SLC12A8: variants seen among roughly 807,000 people sequenced by gnomAD.
SLC12A8 encodes the protein cation-chloride cotransporter 9.
In SLC12A8, 69 loss-of-function variants were observed where a neutral mutation model predicts 75.6. The ratio of observed to expected loss-of-function variants is 0.91; its 90% CI spans 0.75 to 1.11. The LOEUF is 1.11. Ranked by LOEUF, SLC12A8 falls within the 50% of genes most tolerant of loss-of-function variation. The pLI is 0.00. For synonymous variants in SLC12A8, 365 were observed against 372.8 expected, an observed-to-expected ratio of 0.98 and a Z score of 0.24; for missense variants, 877 against 896.7, an observed-to-expected ratio of 0.98 and a Z score of 0.28.
intron 10 of SLC12A8, among the ~76,000 whole-genome samples, chr3:125,097,689 A>T (rs1938752432): frequency 6.6e-6 from 1 of 151,978 alleles, no homozygotes; most frequent in Admixed American, 6.6e-5. Flanking sequence ...ATGCTCAATG[A>T]CTCTTTGAAT....
chr3:125,105,832 C>A (rs575547192), intron 10 of SLC12A8, among the ~76,000 whole-genome samples: 2 of 152,146 alleles, frequency 1.3e-5, no homozygotes, highest in South Asian at 4.2e-4. Flanking sequence ...GAGTTCAAGA[C>A]CAGCCTGGCC....
intron 5 of SLC12A8, among the ~76,000 whole-genome samples, chr3:125,146,820 T>C (rs574256793): frequency 6.6e-6 from 1 of 152,340 alleles, no homozygotes; most frequent in Admixed American, 6.5e-5. Flanking sequence ...TGTACATTTT[T>C]TGTAGAGACA....
chr3:125,110,674 C>T (rs770080305), intron 8 of SLC12A8: 16 of 189,762 alleles, frequency 8.4e-5, no homozygotes, highest in Non-Finnish European at 1.3e-4. Context: ...ATTCCGCATG[C>T]GTTCCCAGAG....
chr3:125,106,243 T>C (rs1223510379), intron 10 of SLC12A8, among the ~76,000 whole-genome samples: 1 of 152,190 alleles, frequency 6.6e-6, no homozygotes, highest in African/African-American at 2.4e-5. Context: ...ACTTATTACA[T>C]TGATTAAAAT....
intron 10 of SLC12A8, among the ~76,000 whole-genome samples, chr3:125,100,143 G>T (rs1187439481): frequency 6.6e-6 from 1 of 152,112 alleles, no homozygotes; most frequent in Non-Finnish European, 1.5e-5. Flanking sequence ...GAGTCTCAGA[G>T]GCCTAATGGG....
At chr3:125,209,913 G>A (rs923305318) in intron 2 of SLC12A8, among the ~76,000 whole-genome samples, 2 of 152,204 alleles carry the variant, frequency 1.3e-5, no homozygotes, top group Admixed American at 1.3e-4. Context: ...AGGAGAGTAT[G>A]AATCATCCAA....
intron 8 of SLC12A8, among the ~76,000 whole-genome samples, chr3:125,111,178 C>G (rs772937820): frequency 2.4e-4 from 36 of 152,174 alleles, no homozygotes; most frequent in Non-Finnish European, 3.2e-4. Flanking sequence ...TTTAAGCAGG[C>G]CTTCTGTCTT....
At chr3:125,151,067 C>T (rs550419621) in intron 5 of SLC12A8, 38 of 152,336 alleles carry the variant, frequency 2.5e-4, no homozygotes, top group African/African-American at 8.7e-4. Flanking sequence ...ATTTTGATCA[C>T]TATACCAGAC....
intron 5 of SLC12A8, among the ~76,000 whole-genome samples, chr3:125,152,244 T>C (rs1933942326): frequency 6.6e-6 from 1 of 152,242 alleles, no homozygotes. Flanking sequence ...TATAGGTTTG[T>C]ATGGTGGCTG....
At chr3:125,179,841 G>A (rs1178073129) in intron 4 of SLC12A8, among the ~76,000 whole-genome samples, 1 of 152,164 alleles carries the variant, frequency 6.6e-6, no homozygotes, top group East Asian at 1.9e-4. Context: ...TATTTCATCA[G>A]TATTTGGCCA....
intron 5 of SLC12A8, among the ~76,000 whole-genome samples, chr3:125,141,670 T>C (rs1481439125): frequency 6.6e-6 from 1 of 151,374 alleles, no homozygotes; most frequent in Non-Finnish European, 1.5e-5. Context: ...ATGCTGGGGC[T>C]GCAGGCTGCG....
At chr3:125,131,614 C>T (rs1933359842) in intron 6 of SLC12A8, among the ~76,000 whole-genome samples, 1 of 152,130 alleles carries the variant, frequency 6.6e-6, no homozygotes, top group African/African-American at 2.4e-5. Context: ...TCTCAAACTC[C>T]CGGGCTCAAG....
Position 125,083,751 on chromosome 3 carries a change from T to C in SLC12A8, c.*139A>G, listed in dbSNP as rs1282456282. 8.6e-6 allele frequency: 7 copies of C among 817,144 alleles called. No individual in the cohort carries two copies. Among genetic ancestry groups the C allele is most frequent in the South Asian group, 4.3e-5 (2 of 46,050 alleles). 50.6% of individuals were successfully genotyped at this position (817,144 alleles called of 1,614,324 possible). A position where few individuals can be genotyped will look rare whatever the true frequency, so the allele number is the denominator to read the frequency against. ...AAAAAAAAAAAGGGAAAAGAAAATG[T>C]AGATTTCCATTGTCCAAAGTGACAG... is the stretch of plus-strand genomic sequence containing the variant. On this transcript the variant is annotated 3_prime_UTR_variant, in exon 14 of 14. Coordinates refer to ENST00000469902, the MANE Select transcript of SLC12A8 (RefSeq NM_024628.6).
At chr3:125,110,400 G>C (rs2107744132) in intron 8 of SLC12A8, 65 bp from the exon 9 acceptor site, 4 of 1,524,126 alleles carry the variant, frequency 2.6e-6, no homozygotes, top group Non-Finnish European at 3.6e-6. Context: ...TACCCCCCCA[G>C]CACCCACCCA....
chr3:125,090,257 C>A (rs184802550), intron 12 of SLC12A8, among the ~76,000 whole-genome samples: 176 of 152,122 alleles, frequency 1.2e-3, no homozygotes, highest in African/African-American at 3.9e-3. Flanking sequence ...TCTAATTATT[C>A]CCCCTCTGGT....
At chr3:125,190,149 C>A (rs1387423661) in intron 3 of SLC12A8, among the ~76,000 whole-genome samples, 3 of 152,202 alleles carry the variant, frequency 2.0e-5, no homozygotes, top group African/African-American at 7.2e-5. Context: ...TCCTATTCTG[C>A]AGTTAAATCT....
At chr3:125,100,203 G>A (rs1370605584) in intron 10 of SLC12A8, among the ~76,000 whole-genome samples, 2 of 152,112 alleles carry the variant, frequency 1.3e-5, no homozygotes, top group Non-Finnish European at 1.5e-5. Flanking sequence ...CACAGGGACA[G>A]GAGAAAAAGA....
intron 6 of SLC12A8, among the ~76,000 whole-genome samples, chr3:125,133,347 ACACACACACACACACG>A (rs1343147689): frequency 2.7e-5 from 4 of 147,626 alleles, no homozygotes; most frequent in Admixed American, 6.9e-5. Flanking sequence ...TCAGGAATAC[ACACACACACACACACG>A]CACACACACA....
intron 5 of SLC12A8, among the ~76,000 whole-genome samples, chr3:125,163,598 CA>C (rs11381972): frequency 0.14 from 19,132 of 140,408 alleles, 2,703 homozygotes; most frequent in African/African-American, 0.37. Flanking sequence ...GACTCTGTCT[CA>C]AAAAAAAAAA....
Sources: gnomAD v4.1 joint callset for allele counts (sites outside exome capture counted in the v4.1 genomes callset) on GRCh38, gnomAD v4.1.1 for gene constraint, MANE v1.5 for transcripts, NCBI Gene and HGNC (gene_info 2026-07-23, HGNC 2026-07-21) for gene names.